The following POC5 variants were observed in gnomAD, a reference collection of about 807,000 sequenced individuals.
The protein encoded by POC5 is centrosomal protein POC5.
In POC5, 48 loss-of-function variants were observed where a neutral mutation model predicts 62.9. That is an observed-to-expected ratio of 0.76 (90% CI 0.61 to 0.97). POC5 has a LOEUF of 0.97. POC5 is among the 50% of genes least tolerant of loss of function. The pLI is 0.00. For synonymous variants in POC5, 236 were observed against 228.2 expected, an observed-to-expected ratio of 1.03 and a Z score of -0.31; for missense variants, 696 against 679.5, an observed-to-expected ratio of 1.02 and a Z score of -0.27.
Position 75,702,761 on chromosome 5 carries a change from A to T in POC5, c.357T>A (p.Asp119Glu). 1.3e-6 allele frequency: 2 copies of T among 1,597,156 alleles called. No individual in the cohort carries two copies. Among genetic ancestry groups the T allele is most frequent in the Non-Finnish European group, 1.7e-6 (2 of 1,171,174 alleles). The change falls in exon 5 of 12, where the codon GAT becomes GAA. Residue 119 changes from aspartate to glutamate, a missense_variant. Asp to Glu is a conservative substitution (Grantham distance 45). Transcript: ENST00000428202. ...SPRKPSHPVMDFFSSHLLADS... is the reference protein window; with the variant it reads ...SPRKPSHPVMEFFSSHLLADS... ...CAGCTAAAAGATGTGAACTGAAAAA[A>T]TCCATGACTGGGTGAGAAGGCTTCC... is the stretch of plus-strand genomic sequence containing the variant.
chr5:75,689,113 T>A lies in POC5; in HGVS notation c.1028A>T (p.Glu343Val). Residue 343 changes from glutamate (E) to valine (V), a missense_variant, in exon 9 of 12, where the codon GAA becomes GTA. Glu to Val is a moderately radical substitution (Grantham distance 121). Coordinates refer to ENST00000428202, the MANE Select transcript of POC5 (RefSeq NM_001099271.2). Reference protein sequence around the residue: ...AKAEIQRMQHEKEHFEDSMKK... With the variant: ...AKAEIQRMQHVKEHFEDSMKK... ...CATGGAATCTTCAAAGTGCTCTTTTTCATGTTGCATTCTTTGAATCTCAGC... is the reference window on the plus strand; with the variant it reads ...CATGGAATCTTCAAAGTGCTCTTTTACATGTTGCATTCTTTGAATCTCAGC... 6.3e-7 allele frequency: 1 copy of A among 1,588,926 alleles called. No homozygotes were observed. Among genetic ancestry groups the A allele is most frequent in the South Asian group, 1.2e-5 (1 of 86,596 alleles).
At chr5:75,697,077 C>G (rs558109854) in intron 5 of POC5, among the ~76,000 whole-genome samples, 8 of 152,252 alleles carry the variant, frequency 5.3e-5, no homozygotes, top group African/African-American at 1.7e-4. Context: ...ATCTACGTCT[C>G]ATTGGTGTAC....
At chr5:75,685,737 G>C (rs1014393838) in intron 9 of POC5, among the ~76,000 whole-genome samples, 2 of 152,152 alleles carry the variant, frequency 1.3e-5, no homozygotes, top group African/African-American at 4.8e-5. Flanking sequence ...TTAAATAAAA[G>C]ATGAAAATAA....
At chr5:75,700,456 C>T (rs1364490962) in intron 5 of POC5, among the ~76,000 whole-genome samples, 2 of 152,052 alleles carry the variant, frequency 1.3e-5, no homozygotes, top group Admixed American at 1.3e-4. Context: ...CTGAGAAAAA[C>T]AAGCAATGAG....
At chr5:75,713,568 T>C (rs1372584642) in intron 1 of POC5, among the ~76,000 whole-genome samples, 1 of 152,168 alleles carries the variant, frequency 6.6e-6, no homozygotes, top group African/African-American at 2.4e-5. Flanking sequence ...TTACAATCTG[T>C]AGAGAGGGCC....
Position 75,707,831 on chromosome 5 carries a change from AT to A in POC5, c.128del (p.Asn43IlefsTer38). On this transcript the variant is annotated frameshift_variant, in exon 3 of 12. Coordinates refer to ENST00000428202, the MANE Select transcript of POC5 (RefSeq NM_001099271.2). LOFTEE classifies it high-confidence loss of function. ...ATGACTGTGAAGCACAGGGTTCAAT[AT>A]TTGGAGTCACTATAGCATAATGAAG... is the stretch of plus-strand genomic sequence containing the variant. ...ELLHYAIVTP[N>X]IEPCASQSSH... The A allele has an allele frequency of 6.3e-7, 1 of 1,589,930 alleles. No individual in the cohort carries two copies.
rs768078413 is a variant in POC5 at position 75,690,397 on chromosome 5, C to G, written c.961G>C (p.Ala321Pro). Residue 321 changes from alanine to proline, a missense_variant, in exon 8 of 12, where the codon GCC becomes CCC. Ala to Pro is a conservative substitution (Grantham distance 27, BLOSUM62 -1). Coordinates refer to ENST00000428202, the MANE Select transcript of POC5 (RefSeq NM_001099271.2). ...VCIQISNDYEAKVAMLSGALE... is the reference protein window; with the variant it reads ...VCIQISNDYEPKVAMLSGALE... ...AAGATGCTTACCATAGCAACTTTGGCTTCATAATCATTGGAAATCTGGATA... is the reference window on the plus strand; with the variant it reads ...AAGATGCTTACCATAGCAACTTTGGGTTCATAATCATTGGAAATCTGGATA... 1.2e-6 allele frequency: 2 copies of G among 1,609,300 alleles called. No individual in the cohort carries two copies. The highest frequency in any genetic ancestry group is 1.7e-6 in the Non-Finnish European group (2 of 1,178,086).
chr5:75,714,493 T>C (rs1250313565), intron 1 of POC5, among the ~76,000 whole-genome samples: 1 of 152,020 alleles, frequency 6.6e-6, no homozygotes, highest in African/African-American at 2.4e-5. Flanking sequence ...GAAGTAGCAA[T>C]GGGAAGGGGA....
At chr5:75,680,659 A>T (rs1337142653) in intron 10 of POC5, among the ~76,000 whole-genome samples, 1 of 152,156 alleles carries the variant, frequency 6.6e-6, no homozygotes, top group Non-Finnish European at 1.5e-5. Flanking sequence ...GAAATAATTC[A>T]TAAAGATAAA....
chr5:75,693,524 A>G (rs913089895), intron 6 of POC5, among the ~76,000 whole-genome samples: 7 of 152,184 alleles, frequency 4.6e-5, no homozygotes, highest in Admixed American at 4.6e-4. Context: ...TGATATCTAT[A>G]TTCTTTGTGA....
intron 4 of POC5, among the ~76,000 whole-genome samples, chr5:75,704,251 T>A (rs1016289673): frequency 5.3e-5 from 8 of 152,150 alleles, no homozygotes; most frequent in African/African-American, 1.9e-4. Context: ...GTCACATATC[T>A]CACATTTGCT....
At chr5:75,679,193 T>C (rs1301303074) in intron 10 of POC5, among the ~76,000 whole-genome samples, 1 of 152,160 alleles carries the variant, frequency 6.6e-6, no homozygotes, top group Non-Finnish European at 1.5e-5. Context: ...TAATTTCCTC[T>C]TGCTTCCATG....
chr5:75,688,985 G>T, intron 9 of POC5, 27 bp downstream of exon 9: 1 of 1,509,324 alleles, frequency 6.6e-7, no homozygotes, highest in Admixed American at 2.2e-5. Context: ...TTGAAATTAG[G>T]CAGAGAAACT....
At chr5:75,684,426 C>T (rs1404333718) in intron 10 of POC5, among the ~76,000 whole-genome samples, 1 of 140,770 alleles carries the variant, frequency 7.1e-6, no homozygotes, top group African/African-American at 2.6e-5. Flanking sequence ...AGTGCAATGG[C>T]ATCATCTTGG....
At chr5:75,680,695 CA>C (rs1446108342) in intron 10 of POC5, among the ~76,000 whole-genome samples, 2 of 151,904 alleles carry the variant, frequency 1.3e-5, no homozygotes, top group Non-Finnish European at 2.9e-5. Context: ...TGCTACTAAT[CA>C]GGGGGAGGAA....
chr5:75,708,855 T>C (rs886612129), intron 2 of POC5, among the ~76,000 whole-genome samples: 9 of 152,116 alleles, frequency 5.9e-5, no homozygotes, highest in Non-Finnish European at 1.3e-4. Flanking sequence ...TTTTTTGAGA[T>C]GGAGTCTTGC....
intron 9 of POC5, among the ~76,000 whole-genome samples, chr5:75,687,451 G>A (rs1215253407): frequency 1.3e-5 from 2 of 152,116 alleles, no homozygotes; most frequent in Non-Finnish European, 1.5e-5. Flanking sequence ...CAGATCCACT[G>A]AATTATACTG....
In POC5 at chr5:75,685,344, C is replaced by G. The variant is rs547644586; in HGVS notation, c.1270G>C (p.Val424Leu). 6.2e-7 allele frequency: 1 copy of G among 1,613,994 alleles called. No homozygotes were observed. The highest frequency in any genetic ancestry group is 2.2e-5 in the East Asian group (1 of 44,884). The change falls in exon 10 of 12, where the codon GTC becomes CTC. Residue 424 changes from valine (V) to leucine (L), a missense_variant. Val to Leu is a conservative substitution (Grantham distance 32, BLOSUM62 1). Coordinates refer to ENST00000428202, the MANE Select transcript of POC5 (RefSeq NM_001099271.2). Reference protein sequence around the residue: ...SPLLPSPPAAVGGASATAVPS... With the variant: ...SPLLPSPPAALGGASATAVPS... ...ACGGCAGTCGCGCTGGCTCCTCCGA[C>G]GGCGGCTGGTGGGGATGGCAGCAGT... is the stretch of plus-strand genomic sequence containing the variant.
intron 3 of POC5, among the ~76,000 whole-genome samples, chr5:75,706,373 T>A (rs777214730): frequency 2.6e-5 from 4 of 152,188 alleles, no homozygotes; most frequent in Admixed American, 2.6e-4. Context: ...ATAGAAGACT[T>A]TAACAAAGTC....
Sources: gnomAD v4.1 joint callset for allele counts (sites outside exome capture counted in the v4.1 genomes callset) on GRCh38, gnomAD v4.1.1 for gene constraint, MANE v1.5 for transcripts, NCBI Gene and HGNC (gene_info 2026-07-23, HGNC 2026-07-21) for gene names.